MYRIP: variants seen among roughly 807,000 people sequenced by gnomAD.
The protein encoded by MYRIP is myosin VIIA and Rab interacting protein.
MYRIP carries 49 observed loss-of-function variants against 98.0 expected under a neutral mutation model. That is an observed-to-expected ratio of 0.50 (90% CI 0.40 to 0.63). MYRIP has a LOEUF of 0.63. Among genes scored for constraint, MYRIP ranks in the 30% least tolerant of loss-of-function variants. The pLI, the probability that MYRIP is intolerant of heterozygous loss-of-function variation, is 0.00. For synonymous variants in MYRIP, 404 were observed against 409.5 expected (o/e 0.99, Z 0.16); for missense variants, 1,004 against 1,058.2 (o/e 0.95, Z 0.71).
At chr3:40,176,342 G>A (rs1950757076) in intron 8 of MYRIP, among the ~76,000 whole-genome samples, 1 of 152,224 alleles carries the variant, frequency 6.6e-6, no homozygotes, top group Admixed American at 6.5e-5. Context: ...GCCTAGTGGT[G>A]ACTATGTTGG....
rs1945222119 is a variant in MYRIP at position 39,958,309 on chromosome 3, T to C, written c.110+57383T>C. Among the ~76,000 whole-genome samples the C allele has an allele frequency of 2.0e-5, 3 of 152,152 alleles. No homozygotes were observed. In the South Asian group the frequency reaches 6.2e-4, roughly 32 times the overall value. ...CAAGGCTACAGTAACCAAAACAGCA[T>C]GGTACTGGTACCAAAACAGAGATAT... On this transcript the variant is annotated intron_variant, in intron 2 of 16. Coordinates refer to ENST00000302541, the MANE Select transcript of MYRIP (RefSeq NM_015460.4).
intron 8 of MYRIP, among the ~76,000 whole-genome samples, chr3:40,179,483 C>T (rs955365921): frequency 6.6e-6 from 1 of 152,184 alleles, no homozygotes; most frequent in Non-Finnish European, 1.5e-5. Context: ...CACATATACA[C>T]ACAAGTCTGA....
At chr3:39,936,321 G>A (rs182550232) in intron 2 of MYRIP, among the ~76,000 whole-genome samples, 1 of 152,316 alleles carries the variant, frequency 6.6e-6, no homozygotes, top group East Asian at 1.9e-4. Context: ...GGAAACACTA[G>A]CCTTGGCTCT....
chr3:40,064,503 G>C (rs1948087455), intron 3 of MYRIP, among the ~76,000 whole-genome samples: 1 of 152,224 alleles, frequency 6.6e-6, no homozygotes, highest in African/African-American at 2.4e-5. Flanking sequence ...GCTTAAGGTA[G>C]ACAGTATAAC....
intron 4 of MYRIP, among the ~76,000 whole-genome samples, chr3:40,158,876 G>T (rs1007549374): frequency 2.3e-4 from 34 of 150,808 alleles, no homozygotes; most frequent in Non-Finnish European, 1.2e-4. Flanking sequence ...CTTTTATTTT[G>T]AGCCTATGTG....
chr3:39,998,126 G>A (rs1257232921), intron 2 of MYRIP, among the ~76,000 whole-genome samples: 6 of 152,158 alleles, frequency 3.9e-5, no homozygotes, highest in Admixed American at 2.0e-4. Flanking sequence ...ACTGGCACAA[G>A]ACAGGGATGC....
chr3:40,158,683 T>A (rs558085835), intron 4 of MYRIP, among the ~76,000 whole-genome samples: 1 of 152,186 alleles, frequency 6.6e-6, no homozygotes, highest in Non-Finnish European at 1.5e-5. Context: ...GGTGCTCCTG[T>A]ATTGGGTGCA....
At chr3:40,037,895 C>T (rs1947419797) in intron 2 of MYRIP, among the ~76,000 whole-genome samples, 1 of 152,110 alleles carries the variant, frequency 6.6e-6, no homozygotes, top group Non-Finnish European at 1.5e-5. Flanking sequence ...GTCACAGATG[C>T]TCCCATGACT....
chr3:40,037,390 AG>A (rs996902532), intron 2 of MYRIP, among the ~76,000 whole-genome samples: 3 of 152,066 alleles, frequency 2.0e-5, no homozygotes, highest in Non-Finnish European at 2.9e-5. Flanking sequence ...ATTTAGGAAT[AG>A]AGGGAGGCAG....
intron 1 of MYRIP, among the ~76,000 whole-genome samples, chr3:39,822,742 C>T (rs1198385957): frequency 6.6e-6 from 1 of 152,138 alleles, no homozygotes; most frequent in Non-Finnish European, 1.5e-5. Context: ...TGTATGAGGT[C>T]ATCTTGTTTT....
chr3:40,218,618 A>ATTTT (rs1952212363), intron 11 of MYRIP, among the ~76,000 whole-genome samples: 1 of 8,856 alleles, frequency 1.1e-4, no homozygotes, highest in Non-Finnish European at 5.0e-4. Flanking sequence ...TATTTTATAT[A>ATTTT]TATATATATA....
chr3:40,117,268 C>T (rs1341463647), intron 3 of MYRIP, among the ~76,000 whole-genome samples: 3 of 152,086 alleles, frequency 2.0e-5, no homozygotes, highest in East Asian at 3.8e-4. Context: ...CCACAAAGAC[C>T]CTGGAGGCTG....
At chr3:40,199,849 G>A (rs561754590) in intron 10 of MYRIP, among the ~76,000 whole-genome samples, 1 of 151,972 alleles carries the variant, frequency 6.6e-6, no homozygotes, top group African/African-American at 2.4e-5. Flanking sequence ...TCATAATATG[G>A]CTGAAAGCAG....
At chr3:40,218,623 TATATATA>T (rs776928339) in intron 11 of MYRIP, among the ~76,000 whole-genome samples, 44,448 of 89,022 alleles carry the variant, frequency 0.5, 9,690 homozygotes, top group Non-Finnish European at 0.58. Context: ...TATATATATA[TATATATA>T]TATATATATA....
intron 2 of MYRIP, among the ~76,000 whole-genome samples, chr3:39,922,846 AAGAC>A (rs1300027639): frequency 6.6e-6 from 1 of 152,240 alleles, no homozygotes; most frequent in African/African-American, 2.4e-5. Context: ...CTGAATGAAA[AAGAC>A]AATCAATATA....
intron 1 of MYRIP, among the ~76,000 whole-genome samples, chr3:39,819,512 G>C (rs890287313): frequency 4.6e-5 from 7 of 152,218 alleles, no homozygotes; most frequent in Non-Finnish European, 8.8e-5. Flanking sequence ...ACCCATCCTA[G>C]GGTGTAGATT....
intron 1 of MYRIP, among the ~76,000 whole-genome samples, chr3:39,820,374 C>G (rs1248171135): frequency 9.4e-6 from 1 of 106,124 alleles, no homozygotes; most frequent in Non-Finnish European, 1.9e-5. Flanking sequence ...AGCCTCTTTA[C>G]ATGATGGTTT....
intron 2 of MYRIP, among the ~76,000 whole-genome samples, chr3:39,918,378 C>G (rs1944222575): frequency 6.6e-6 from 1 of 152,188 alleles, no homozygotes; most frequent in Non-Finnish European, 1.5e-5. Context: ...GGACCCTCTT[C>G]CCTGAATGCT....
At chr3:39,840,955 C>T (rs1941781400) in intron 1 of MYRIP, among the ~76,000 whole-genome samples, 1 of 152,138 alleles carries the variant, frequency 6.6e-6, no homozygotes, top group Admixed American at 6.5e-5. Context: ...TTGCTCTTCT[C>T]AAGGAGTATC....
Sources: allele counts gnomAD v4.1 joint callset (sites outside exome capture counted in the v4.1 genomes callset), GRCh38; gene constraint gnomAD v4.1.1; transcripts MANE v1.5; gene names NCBI Gene and HGNC (gene_info 2026-07-23, HGNC 2026-07-21).